HOOK1: variants seen among roughly 807,000 people sequenced by gnomAD.
HOOK1 encodes hook microtubule tethering protein 1.
Under a neutral mutation model 112.8 loss-of-function variants are expected in HOOK1, and 60 were observed. That is an observed-to-expected ratio of 0.53 (90% CI 0.43 to 0.66). The LOEUF is 0.66. Among genes scored for constraint, HOOK1 ranks in the 30% least tolerant of loss-of-function variants. The pLI is 0.00. For missense variants in HOOK1, 770 were observed against 856.0 expected (o/e 0.90, Z 1.25); for synonymous variants, 294 against 283.8 (o/e 1.04, Z -0.36).
chr1:59,870,930 C>G, intron 20 of HOOK1, 112 bp from the exon 21 acceptor site: 1 of 710,386 alleles, frequency 1.4e-6, no homozygotes, highest in Non-Finnish European at 2.4e-6. Flanking sequence ...GTGTGCCTCA[C>G]AAGTGCAATC....
chr1:59,815,600 GAAACCTAACCCTGCATCCTC>G (rs1011998870), intron 1 of HOOK1, among the ~76,000 whole-genome samples: 1 of 151,882 alleles, frequency 6.6e-6, no homozygotes, highest in African/African-American at 2.4e-5. Flanking sequence ...GACCCTTTCC[GAAACCTAACCCTGCATCCTC>G]AAACTACCTT....
intron 10 of HOOK1, 50 bp from the exon 11 acceptor site, chr1:59,848,265 T>C (rs749745890): frequency 8.0e-7 from 1 of 1,247,104 alleles, no homozygotes; most frequent in South Asian, 1.5e-5. Flanking sequence ...AGTAAAATTA[T>C]GAGTATATAC....
intron 8 of HOOK1, 40 bp from the exon 9 acceptor site, chr1:59,843,392 T>A (rs769747369): frequency 6.8e-7 from 1 of 1,468,060 alleles, no homozygotes; most frequent in East Asian, 2.3e-5. Flanking sequence ...TTTTTTGTTT[T>A]TTTTCTACTG....
intron 9 of HOOK1, among the ~76,000 whole-genome samples, chr1:59,844,265 T>G (rs1030902828): frequency 6.6e-6 from 1 of 152,050 alleles, no homozygotes; most frequent in Non-Finnish European, 1.5e-5. Context: ...CATATAATTT[T>G]CATATTTTTA....
At chr1:59,862,499 A>G (rs1197369225) in intron 15 of HOOK1, among the ~76,000 whole-genome samples, 1 of 152,106 alleles carries the variant, frequency 6.6e-6, no homozygotes. Flanking sequence ...TGATTTTTCT[A>G]CCAGTGAGTG....
In HOOK1 at chr1:59,831,097, C is replaced by T. The variant is rs536951696; in HGVS notation, c.223-1066C>T. On this transcript the variant is annotated intron_variant, in intron 3 of 21. Coordinates refer to ENST00000371208, the MANE Select transcript of HOOK1 (RefSeq NM_015888.6). ...TGTATTTTGAGTAGAGGCGGGGTTT[C>T]GCCATGTTGGCCAGGCTGGTCTTGA... Among the ~76,000 whole-genome samples, 725 of 151,890 alleles carry T rather than the reference C, an allele frequency of 4.8e-3. 7 individuals carry two copies. The highest frequency in any genetic ancestry group is 0.035 in the South Asian group (167 of 4,798).
rs1343211364 is a variant in HOOK1 at position 59,874,200 on chromosome 1, G to T, written c.*1235G>T. The T allele has an allele frequency of 6.6e-6, 1 of 152,108 alleles. No individual in the cohort carries two copies. Among genetic ancestry groups the T allele is most frequent in the Non-Finnish European group, 1.5e-5 (1 of 67,992 alleles). 9.4% of individuals were successfully genotyped at this position (152,108 alleles called of 1,614,324 possible). A position where few individuals can be genotyped will look rare whatever the true frequency, so the allele number is the denominator to read the frequency against. On this transcript the variant is annotated 3_prime_UTR_variant, in exon 22 of 22. Transcript: ENST00000371208. ...TTCAGATGCTCAATAGCCACATGTGGCTAGTGGGTACCATATTGGACAGGG... is the reference window on the plus strand; with the variant it reads ...TTCAGATGCTCAATAGCCACATGTGTCTAGTGGGTACCATATTGGACAGGG...
chr1:59,865,951 G>A lies in HOOK1; in HGVS notation c.1824G>A (p.Met608Ile), dbSNP rs138906504. Residue 608 changes from methionine to isoleucine, a missense_variant, in exon 19 of 22, where the codon ATG (methionine) becomes ATA (isoleucine). Around this residue, in one of 3 missense-constraint regions of HOOK1, gnomAD observed 655 missense variants for 725.9 expected, o/e 0.90. Coordinates refer to ENST00000371208, the MANE Select transcript of HOOK1 (RefSeq NM_015888.6). ...AAGCAATGGAGGAAAGATATAAAATGTACTTGGAGAAAGCCAGAAATGTGA... is the reference window on the plus strand; with the variant it reads ...AAGCAATGGAGGAAAGATATAAAATATACTTGGAGAAAGCCAGAAATGTGA... Reference protein sequence around the residue: ...DMKAMEERYKMYLEKARNVIK... With the variant: ...DMKAMEERYKIYLEKARNVIK... 757 of 1,592,544 alleles carry A rather than the reference G, an allele frequency of 4.8e-4. 2 individuals carry two copies. Among genetic ancestry groups the A allele is most frequent in the Non-Finnish European group, 6.2e-4 (718 of 1,165,992 alleles).
chr1:59,846,532 T>C (rs1485159028), intron 9 of HOOK1, among the ~76,000 whole-genome samples: 1 of 10,996 alleles, frequency 9.1e-5, no homozygotes, highest in Non-Finnish European at 1.9e-4. Flanking sequence ...TTCCTTTTCC[T>C]TCCTTCCTTC....
chr1:59,867,484 G>T (rs12409241), intron 19 of HOOK1, among the ~76,000 whole-genome samples: 4,850 of 152,212 alleles, frequency 0.032, 134 homozygotes, highest in Admixed American at 0.087. Flanking sequence ...AAATGTAGAT[G>T]AAGTTTTCCT....
At position 59,843,510 on chromosome 1, in the gene HOOK1, G is replaced by A; in HGVS notation, c.700G>A (p.Gly234Ser). 1 of 1,609,722 alleles carries A rather than the reference G, an allele frequency of 6.2e-7. No homozygotes were observed. Among genetic ancestry groups the A allele is most frequent in the Non-Finnish European group, 8.5e-7 (1 of 1,177,482 alleles). Residue 234 changes from glycine to serine, a missense_variant, in exon 9 of 22, where the codon GGC becomes AGC. Transcript: ENST00000371208. ...MMNEKLDQLD[G>S]SFDDPNTVVA... ...GAATGAAAAACTTGACCAGTTGGATGGCTCTTTTGATGATCCAAACACAGT... is the reference window on the plus strand; with the variant it reads ...GAATGAAAAACTTGACCAGTTGGATAGCTCTTTTGATGATCCAAACACAGT...
chr1:59,850,046 T>C (rs1268282346), intron 12 of HOOK1, among the ~76,000 whole-genome samples: 1 of 151,628 alleles, frequency 6.6e-6, no homozygotes, highest in Non-Finnish European at 1.5e-5. Context: ...CTATTATCTT[T>C]TTGATTTTAG....
chr1:59,833,564 T>C, intron 5 of HOOK1, 27 bp downstream of exon 5: 1 of 1,501,290 alleles, frequency 6.7e-7, no homozygotes, highest in Non-Finnish European at 9.0e-7. Flanking sequence ...CATTTGAGGA[T>C]TTCTACTTTC....
intron 21 of HOOK1, 126 bp downstream of exon 21, chr1:59,871,236 A>G (rs1574230604): frequency 5.0e-6 from 3 of 599,826 alleles, no homozygotes; most frequent in Non-Finnish European, 8.8e-6. Context: ...ATGTTTATGT[A>G]TATGACTGAA....
intron 20 of HOOK1, among the ~76,000 whole-genome samples, chr1:59,870,392 C>T (rs145955905): frequency 3.3e-4 from 51 of 152,266 alleles, no homozygotes; most frequent in African/African-American, 1.2e-3. Context: ...GAATTCTGTG[C>T]CTGGAGTGAA....
intron 3 of HOOK1, 128 bp downstream of exon 3, chr1:59,828,980 C>T: frequency 1.5e-6 from 1 of 664,400 alleles, no homozygotes; most frequent in African/African-American, 1.8e-5. Flanking sequence ...AGTTTTAACA[C>T]ATGTATTCTC....
rs145349073 is a variant in HOOK1, at chr1:59,826,487, G to A, written c.150-2293G>A. Among the ~76,000 whole-genome samples, 4 of 152,286 alleles carry A rather than the reference G, an allele frequency of 2.6e-5. No homozygotes were observed. The East Asian group carries it at 7.7e-4, about 29-fold the overall frequency. On this transcript the variant is annotated intron_variant, in intron 2 of 21. Transcript: ENST00000371208. ...AGATATATTTTTACTAAGTTAGAAA[G>A]TATTTCTCTGGGCTAAAGTTGATTT...
intron 12 of HOOK1, among the ~76,000 whole-genome samples, chr1:59,851,332 T>A (rs1574207602): frequency 6.6e-6 from 1 of 151,682 alleles, no homozygotes; most frequent in Non-Finnish European, 1.5e-5. Context: ...TTTATTTAGA[T>A]CTTAAGTGTC....
intron 17 of HOOK1, 191 bp downstream of exon 17, chr1:59,864,857 T>A (rs943203209): frequency 5.4e-6 from 3 of 557,130 alleles, no homozygotes; most frequent in Non-Finnish European, 3.2e-6. Context: ...CTCCTACATC[T>A]TTCCATTGTT....
Sources: allele counts gnomAD v4.1 joint callset (sites outside exome capture counted in the v4.1 genomes callset), GRCh38; gene constraint gnomAD v4.1.1; regional missense constraint gnomAD v4.1.1; transcripts MANE v1.5; gene names NCBI Gene and HGNC (gene_info 2026-07-23, HGNC 2026-07-21).